The following RNF125 variants were observed in gnomAD, a reference collection of about 807,000 sequenced individuals.
The protein encoded by RNF125 is E3 ubiquitin-protein ligase RNF125.
In RNF125, 21 loss-of-function variants were observed where a neutral mutation model predicts 26.0. That is an observed-to-expected ratio of 0.81 (90% CI 0.57 to 1.16). The LOEUF (loss-of-function observed/expected upper bound fraction) is 1.16. RNF125 is among the 50% of genes most tolerant of loss of function. The pLI is 0.00. For missense variants in RNF125, 270 were observed against 299.4 expected (o/e 0.90, Z 0.72); for synonymous variants, 95 against 109.2 (o/e 0.87, Z 0.81).
the RNF125 span, among the ~76,000 whole-genome samples, chr18:32,086,309 G>A: frequency 2.0e-5 from 3 of 146,750 alleles, no homozygotes; most frequent in East Asian, 6.1e-4. Context: ...TCAGCCTCTC[G>A]AATAGCTGGG....
intron 3 of RNF125, 50 bp from the exon 4 acceptor site, chr18:32,045,592 A>C: frequency 7.9e-7 from 1 of 1,258,992 alleles, no homozygotes; most frequent in Non-Finnish European, 1.1e-6. Context: ...AGTGACTACT[A>C]TCTAGTTGCC....
Position 32,068,631 on chromosome 18 carries a change from C to A in RNF125, c.*247C>A. ...AAATTATCTACATCAGTCATTGTTA[C>A]ATGGAAAAGACAGGTGGTAGGCAAG... On this transcript the variant is annotated 3_prime_UTR_variant, in exon 6 of 6. Coordinates refer to ENST00000217740, the MANE Select transcript of RNF125 (RefSeq NM_017831.4). 1 of 367,724 alleles carries A rather than the reference C, an allele frequency of 2.7e-6. No homozygotes were observed. Among genetic ancestry groups the A allele is most frequent in the Non-Finnish European group, 5.0e-6 (1 of 200,410 alleles). 22.8% of individuals were successfully genotyped at this position (367,724 alleles called of 1,614,324 possible).
rs922805638 is a variant in RNF125 at position 32,072,126 on chromosome 18, A to G, written c.*3742A>G. ...TGAGGTTGGAGGATCACTTGAGCCT[A>G]GGAGGTCAACACTGCAGTGAGCTAT... On this transcript the variant is annotated 3_prime_UTR_variant, in exon 6 of 6. Coordinates refer to ENST00000217740, the MANE Select transcript of RNF125 (RefSeq NM_017831.4). The G allele has an allele frequency of 6.6e-6, 1 of 152,244 alleles. No individual in the cohort carries two copies. The highest frequency in any genetic ancestry group is 1.5e-5 in the Non-Finnish European group (1 of 68,074). 9.4% of individuals were successfully genotyped at this position (152,244 alleles called of 1,614,324 possible).
intron 3 of RNF125, among the ~76,000 whole-genome samples, chr18:32,043,995 T>C (rs754153662): frequency 1.3e-5 from 2 of 151,872 alleles, no homozygotes; most frequent in Non-Finnish European, 2.9e-5. Flanking sequence ...ATAATGGGTT[T>C]TTTTTTTTCT....
the RNF125 span, among the ~76,000 whole-genome samples, chr18:32,083,903 C>G: frequency 7.6e-6 from 1 of 131,554 alleles, no homozygotes; most frequent in Non-Finnish European, 1.6e-5. Flanking sequence ...GACCCTGTCT[C>G]GAAAAAAAAA....
intron 4 of RNF125, among the ~76,000 whole-genome samples, chr18:32,057,689 A>G (rs1395146192): frequency 6.6e-6 from 1 of 152,088 alleles, no homozygotes; most frequent in African/African-American, 2.4e-5. Context: ...TCTCCATTAC[A>G]GCCTAGGTAT....
chr18:32,089,387 A>C, the RNF125 span, among the ~76,000 whole-genome samples: 1 of 152,146 alleles, frequency 6.6e-6, no homozygotes, highest in Non-Finnish European at 1.5e-5. Context: ...AGGGAAGCCC[A>C]CTGAGAGGGA....
intron 1 of RNF125, among the ~76,000 whole-genome samples, chr18:32,025,986 C>T (rs1406715918): frequency 6.6e-6 from 1 of 151,026 alleles, no homozygotes. Flanking sequence ...AAGGGAGAAA[C>T]AGGATTTGAA....
chr18:32,081,360 G>A, the RNF125 span, among the ~76,000 whole-genome samples: 5 of 152,148 alleles, frequency 3.3e-5, no homozygotes, highest in Non-Finnish European at 7.3e-5. Context: ...TAGGAAAGAA[G>A]AAATGTCATC....
intron 2 of RNF125, among the ~76,000 whole-genome samples, chr18:32,038,620 A>T (rs2039185160): frequency 6.6e-6 from 1 of 152,196 alleles, no homozygotes; most frequent in African/African-American, 2.4e-5. Flanking sequence ...TGCCTGTTGC[A>T]GTTTTCAACT....
chr18:32,037,237 G>A lies in RNF125; in HGVS notation c.286G>A (p.Glu96Lys). 6.2e-7 allele frequency: 1 copy of A among 1,602,388 alleles called. No homozygotes were observed. The highest frequency in any genetic ancestry group is 2.3e-5 in the East Asian group (1 of 44,088). The change falls in exon 2 of 6, where the codon GAG becomes AAG. Residue 96 changes from glutamate (E) to lysine (K), a missense_variant. Physicochemically the swap from Glu to Lys is moderately conservative, Grantham distance 56 (BLOSUM62 1). Coordinates refer to ENST00000217740, the MANE Select transcript of RNF125 (RefSeq NM_017831.4). ...ATDVAKRMKSEYKNCAECDTL... is the reference protein window; with the variant it reads ...ATDVAKRMKSKYKNCAECDTL... ...TGATGTAGCCAAAAGAATGAAATCAGAGTATAAGAACTGCGCTGAGTGTGA... is the reference window on the plus strand; with the variant it reads ...TGATGTAGCCAAAAGAATGAAATCAAAGTATAAGAACTGCGCTGAGTGTGA...
intron 1 of RNF125, chr18:32,031,486 GAAAAAAAAAAAA>G (rs745809061): frequency 8.3e-3 from 174 of 20,954 alleles, no homozygotes; most frequent in African/African-American, 0.019. Flanking sequence ...CAAATTGTGG[GAAAAAAAAAAAA>G]AAAAAAAAAA....
chr18:32,020,155 C>T (rs1353001877), intron 1 of RNF125, among the ~76,000 whole-genome samples: 1 of 152,060 alleles, frequency 6.6e-6, no homozygotes, highest in African/African-American at 2.4e-5. Context: ...TCAAGTGAGT[C>T]TCCTGCCTCA....
intron 1 of RNF125, among the ~76,000 whole-genome samples, chr18:32,021,462 G>A (rs989196567): frequency 2.2e-5 from 3 of 136,102 alleles, no homozygotes; most frequent in Admixed American, 7.1e-5. Flanking sequence ...TATTACTGAT[G>A]TTGTTGCTCA....
At chr18:32,054,086 CTTTTT>C (rs35616121) in intron 4 of RNF125, among the ~76,000 whole-genome samples, 4 of 88,358 alleles carry the variant, frequency 4.5e-5, no homozygotes, top group South Asian at 3.6e-4. Context: ...GACATTTGTA[CTTTTT>C]TTTTTTTTTT....
chr18:32,019,849 C>T (rs1229633844), intron 1 of RNF125, among the ~76,000 whole-genome samples: 1 of 152,206 alleles, frequency 6.6e-6, no homozygotes, highest in African/African-American at 2.4e-5. Flanking sequence ...CTCAAAACCG[C>T]ATAGTACTTA....
chr18:32,056,088 G>T (rs2039379624), intron 4 of RNF125, among the ~76,000 whole-genome samples: 1 of 147,788 alleles, frequency 6.8e-6, no homozygotes. Flanking sequence ...CTTTATAAAA[G>T]ACACTTTGTT....
At chr18:32,044,350 C>T (rs570879413) in intron 3 of RNF125, among the ~76,000 whole-genome samples, 5 of 152,160 alleles carry the variant, frequency 3.3e-5, no homozygotes, top group African/African-American at 7.2e-5. Context: ...TTTCTAGTAG[C>T]GACATTTAAA....
chr18:32,033,984 G>T (rs1432681665), intron 1 of RNF125, among the ~76,000 whole-genome samples: 1 of 146,144 alleles, frequency 6.8e-6, no homozygotes, highest in African/African-American at 2.6e-5. Flanking sequence ...AAAAAAAAAA[G>T]AAAACCAAAT....
Sources: allele counts gnomAD v4.1 joint callset (sites outside exome capture counted in the v4.1 genomes callset), GRCh38; gene constraint gnomAD v4.1.1; transcripts MANE v1.5; gene names NCBI Gene and HGNC (gene_info 2026-07-23, HGNC 2026-07-21).